MICAL2: variants seen among roughly 807,000 people sequenced by gnomAD.
MICAL2 encodes the protein [F-actin]-monooxygenase MICAL2.
MICAL2 carries 77 observed loss-of-function variants against 127.3 expected under a neutral mutation model. The ratio of observed to expected loss-of-function variants is 0.60; its 90% confidence interval spans 0.50 to 0.73. The LOEUF (loss-of-function observed/expected upper bound fraction) is 0.73, where lower values mean the gene tolerates loss of function less well. MICAL2 is among the 30% of genes least tolerant of loss of function. The pLI, the probability that MICAL2 is intolerant of heterozygous loss-of-function variation, is 0.00. For missense variants in MICAL2, 1,351 were observed against 1,434.4 expected, an observed-to-expected ratio of 0.94 and a Z score of 0.94; for synonymous variants, 570 against 551.1, an observed-to-expected ratio of 1.03 and a Z score of -0.48.
intron 3 of MICAL2, among the ~76,000 whole-genome samples, chr11:12,164,787 G>C (rs1855273545): frequency 6.6e-6 from 1 of 152,334 alleles, no homozygotes; most frequent in South Asian, 2.1e-4. Flanking sequence ...TCACATGATT[G>C]ATGTGAGGGA....
intron 31 of MICAL2, among the ~76,000 whole-genome samples, chr11:12,325,510 C>T (rs1034249125): frequency 6.6e-6 from 1 of 152,168 alleles, no homozygotes; most frequent in African/African-American, 2.4e-5. Context: ...ACTTATTTTC[C>T]TCATGTTCTG....
At chr11:12,259,651 T>C in intron 25 of MICAL2, 144 bp from the exon 26 acceptor site, 1 of 694,562 alleles carries the variant, frequency 1.4e-6, no homozygotes, top group Non-Finnish European at 2.2e-6. Context: ...CAGCACCGGC[T>C]TCAGCATGAG....
intron 34 of MICAL2, among the ~76,000 whole-genome samples, chr11:12,357,795 G>A (rs1939150754): frequency 6.6e-6 from 1 of 152,044 alleles, no homozygotes. Flanking sequence ...CCAAGATCAT[G>A]CCACTGCACT....
intron 21 of MICAL2, among the ~76,000 whole-genome samples, chr11:12,246,150 G>C (rs1252987937): frequency 6.6e-6 from 1 of 152,246 alleles, no homozygotes; most frequent in African/African-American, 2.4e-5. Flanking sequence ...CCGGGCATTA[G>C]ATCCTTCTAA....
intron 1 of MICAL2, among the ~76,000 whole-genome samples, chr11:12,130,672 C>T (rs572565015): frequency 4.6e-5 from 7 of 152,216 alleles, no homozygotes; most frequent in Non-Finnish European, 1.0e-4. Flanking sequence ...CCTACAACCT[C>T]GGCTTTACCT....
At chr11:12,290,894 C>A (rs1460861052), downstream of MICAL2, among the ~76,000 whole-genome samples, 1 of 152,152 alleles carries the variant, frequency 6.6e-6, no homozygotes, top group East Asian at 1.9e-4. Context: ...TGGGACTCTT[C>A]TTGGGATGGG....
chr11:12,326,593 G>T (rs979835501), intron 31 of MICAL2, among the ~76,000 whole-genome samples: 1 of 152,114 alleles, frequency 6.6e-6, no homozygotes, highest in African/African-American at 2.4e-5. Flanking sequence ...ATGAAAGAAC[G>T]CTGGGCATCT....
intron 29 of MICAL2, among the ~76,000 whole-genome samples, chr11:12,300,186 T>C (rs1113854): frequency 0.47 from 70,674 of 151,736 alleles, 17,716 homozygotes; most frequent in Non-Finnish European, 0.57. Context: ...CCCAGCTACT[T>C]GGGTGGTTGA....
intron 2 of MICAL2, among the ~76,000 whole-genome samples, chr11:12,151,366 C>T (rs187391271): frequency 1.3e-3 from 204 of 152,180 alleles, no homozygotes; most frequent in African/African-American, 4.4e-3. Flanking sequence ...CTGCAACAGT[C>T]GGGTAAGAGA....
chr11:12,209,635 TG>T, intron 6 of MICAL2, 37 bp downstream of exon 6: 1 of 1,540,716 alleles, frequency 6.5e-7, no homozygotes, highest in East Asian at 2.2e-5. Context: ...AATGGGGGGA[TG>T]GGAATGGGAG....
chr11:12,180,921 C>CTTTTTTTTTTTTTTTTT (rs56946936), intron 3 of MICAL2, among the ~76,000 whole-genome samples: 3 of 82,474 alleles, frequency 3.6e-5, no homozygotes, highest in Admixed American at 1.8e-4. Context: ...TATTTTCCTT[C>CTTTTTTTTTTTTTTTTT]TTTTTTTTTT....
intron 2 of MICAL2, among the ~76,000 whole-genome samples, chr11:12,155,527 TAC>T (rs1346768926): frequency 6.6e-5 from 10 of 152,064 alleles, no homozygotes; most frequent in African/African-American, 1.9e-4. Context: ...CACACATTCA[TAC>T]ATATATACAC....
At chr11:12,282,447 G>A (rs1863782906) in intron 2 of MICAL2, among the ~76,000 whole-genome samples, 1 of 151,986 alleles carries the variant, frequency 6.6e-6, no homozygotes, top group East Asian at 1.9e-4. Flanking sequence ...CCCTCCAATT[G>A]CCAGACGGTT....
In MICAL2 at chr11:12,178,941, G is replaced by A. The variant is rs575056574; in HGVS notation, c.264+16522G>A. On this transcript the variant is annotated intron_variant, in intron 3 of 27. Transcript: ENST00000683283. ...TCTTCATGCTTGTCCCCTGCTCTTC[G>A]CCCCCACTGTCCCACTTTGGTTCAG... is the stretch of plus-strand genomic sequence containing the variant. 4.6e-5 allele frequency among the ~76,000 whole-genome samples: 7 copies of A among 151,844 alleles called. No homozygotes were observed. The South Asian group carries it at 6.2e-4, about 14-fold the overall frequency.
chr11:12,156,057 G>A (rs150586159), intron 2 of MICAL2, among the ~76,000 whole-genome samples: 125 of 152,320 alleles, frequency 8.2e-4, no homozygotes, highest in Non-Finnish European at 1.3e-3. Flanking sequence ...GGCCAGAAGG[G>A]CAAGAGCCAA....
chr11:12,316,741 G>A (rs1335372050), intron 29 of MICAL2, among the ~76,000 whole-genome samples: 2 of 152,070 alleles, frequency 1.3e-5, no homozygotes, highest in Non-Finnish European at 2.9e-5. Flanking sequence ...ATTGTAGCAT[G>A]TCTATGTTTT....
rs528774065 is a variant in MICAL2 at position 12,218,087 on chromosome 11, A to G, written c.948+1768A>G. ...TAAATGTTTGTTGAATGAATGACTG[A>G]CCTCTGGACAAGAGGTTTTCCTGCT... On this transcript the variant is annotated intron_variant, in intron 8 of 27. Transcript: ENST00000683283. Among the ~76,000 whole-genome samples, 7 of 152,214 alleles carry G rather than the reference A, an allele frequency of 4.6e-5. No homozygotes were observed. In the South Asian group the frequency reaches 1.0e-3, roughly 23 times the overall value.
chr11:12,286,844 C>T, intron 2 of MICAL2: 1 of 297,200 alleles, frequency 3.4e-6, no homozygotes, highest in South Asian at 1.6e-4. Context: ...CACTGCACTC[C>T]AGCCTGGTGA....
chr11:12,246,230 T>C (rs1008894818), intron 21 of MICAL2, among the ~76,000 whole-genome samples: 21 of 152,248 alleles, frequency 1.4e-4, no homozygotes, highest in African/African-American at 5.1e-4. Flanking sequence ...TGTCAGCCAC[T>C]AAGCGTGTCC....
Sources: allele counts gnomAD v4.1 joint callset (sites outside exome capture counted in the v4.1 genomes callset), GRCh38; gene constraint gnomAD v4.1.1; transcripts MANE v1.5; gene names NCBI Gene and HGNC (gene_info 2026-07-23, HGNC 2026-07-21).